Variants in MAGI2 observed in about 807,000 individuals in gnomAD.
MAGI2 encodes the protein membrane-associated guanylate kinase, WW and PDZ domain-containing protein 2.
Under a neutral mutation model 133.3 loss-of-function variants are expected in MAGI2, and 35 were observed. The observed-to-expected ratio is 0.26, with a 90% CI of 0.20 to 0.35. The LOEUF (loss-of-function observed/expected upper bound fraction) is 0.35. MAGI2 is among the 10% of genes least tolerant of loss of function. The pLI, the probability that MAGI2 is intolerant of heterozygous loss-of-function variation, is 1.00. For synonymous variants in MAGI2, 729 were observed against 710.6 expected (o/e 1.03, Z -0.41); for missense variants, 1,636 against 1,863.4 (o/e 0.88, Z 2.25).
chr7:79,344,198 T>C (rs951112990), intron 1 of MAGI2, among the ~76,000 whole-genome samples: 3 of 138,206 alleles, frequency 2.2e-5, no homozygotes, highest in African/African-American at 7.8e-5. Flanking sequence ...AAAACACAGC[T>C]ACAAAACACT....
chr7:78,436,265 A>G (rs1281575320), intron 6 of MAGI2, among the ~76,000 whole-genome samples: 1 of 152,162 alleles, frequency 6.6e-6, no homozygotes, highest in African/African-American at 2.4e-5. Flanking sequence ...TAGTAACCCA[A>G]TTAAACAATT....
At chr7:78,719,740 G>A (rs1820080875) in intron 2 of MAGI2, among the ~76,000 whole-genome samples, 1 of 152,126 alleles carries the variant, frequency 6.6e-6, no homozygotes, top group African/African-American at 2.4e-5. Context: ...CCTGGCTGCA[G>A]TACTATCAAT....
intron 6 of MAGI2, among the ~76,000 whole-genome samples, chr7:78,468,520 A>G (rs1420274852): frequency 6.6e-6 from 1 of 152,190 alleles, no homozygotes; most frequent in Non-Finnish European, 1.5e-5. Flanking sequence ...AGGGATCTGC[A>G]TGTTATAAAA....
intron 3 of MAGI2, among the ~76,000 whole-genome samples, chr7:78,598,522 T>G (rs1055567097): frequency 1.3e-5 from 2 of 152,098 alleles, no homozygotes; most frequent in Admixed American, 6.5e-5. Context: ...CCAAGGAAAC[T>G]CTTAAGAACT....
At chr7:78,733,921 G>C (rs902117523) in intron 2 of MAGI2, among the ~76,000 whole-genome samples, 1 of 152,070 alleles carries the variant, frequency 6.6e-6, no homozygotes, top group East Asian at 1.9e-4. Flanking sequence ...ATCTGAAAAC[G>C]GTAATTGACT....
chr7:78,025,552 G>A (rs917229322), intron 21 of MAGI2, among the ~76,000 whole-genome samples: 12 of 152,152 alleles, frequency 7.9e-5, no homozygotes, highest in African/African-American at 2.9e-4. Context: ...TCCACAAATA[G>A]AAATGGAAGA....
intron 3 of MAGI2, among the ~76,000 whole-genome samples, chr7:78,600,249 G>A (rs749570488): frequency 6.6e-6 from 1 of 151,840 alleles, no homozygotes; most frequent in Non-Finnish European, 1.5e-5. Flanking sequence ...TTTAAATAAT[G>A]GAATAAAGAA....
chr7:78,021,388 G>A (rs1808382507), intron 21 of MAGI2, among the ~76,000 whole-genome samples: 1 of 152,198 alleles, frequency 6.6e-6, no homozygotes, highest in Non-Finnish European at 1.5e-5. Flanking sequence ...AAAAGATTCA[G>A]TCCCACACAG....
intron 1 of MAGI2, among the ~76,000 whole-genome samples, chr7:79,262,119 T>C (rs1053731034): frequency 6.6e-6 from 1 of 152,168 alleles, no homozygotes; most frequent in African/African-American, 2.4e-5. Flanking sequence ...TGCTTTAAAA[T>C]ACCTGTCTGT....
chr7:78,018,825 G>C lies in MAGI2; in HGVS notation c.*490C>G. 4.3e-6 allele frequency: 1 copy of C among 232,454 alleles called. No homozygotes were observed. Among genetic ancestry groups the C allele is most frequent in the African/African-American group, 2.3e-5 (1 of 44,362 alleles). 14.4% of individuals were successfully genotyped at this position (232,454 alleles called of 1,614,324 possible). On this transcript the variant is annotated 3_prime_UTR_variant, in exon 22 of 22. Coordinates refer to ENST00000354212, the MANE Select transcript of MAGI2 (RefSeq NM_012301.4). ...TTTAACCCCTGTCTAGATATGTCGA[G>C]AACAATTTATTTACAACGCTTTAGA... is the stretch of plus-strand genomic sequence containing the variant.
intron 1 of MAGI2, among the ~76,000 whole-genome samples, chr7:79,129,780 T>C (rs1281579618): frequency 6.6e-6 from 1 of 151,436 alleles, no homozygotes; most frequent in Non-Finnish European, 1.5e-5. Flanking sequence ...GCAATATTAA[T>C]GTGAACTTAG....
At chr7:78,972,584 G>A (rs954117241) in intron 2 of MAGI2, among the ~76,000 whole-genome samples, 9 of 151,704 alleles carry the variant, frequency 5.9e-5, no homozygotes, top group African/African-American at 2.2e-4. Flanking sequence ...CAGAATTGAG[G>A]TAGATTTCAT....
intron 1 of MAGI2, among the ~76,000 whole-genome samples, chr7:79,192,545 G>C (rs1827764279): frequency 6.6e-6 from 1 of 151,704 alleles, no homozygotes; most frequent in Non-Finnish European, 1.5e-5. Context: ...ACATAAAGTG[G>C]TTAGAAAAGG....
At chr7:78,460,954 ACACACACACTCT>A (rs992301122) in intron 6 of MAGI2, among the ~76,000 whole-genome samples, 2 of 151,836 alleles carry the variant, frequency 1.3e-5, no homozygotes, top group East Asian at 1.9e-4. Flanking sequence ...ACACACACAC[ACACACACACTCT>A]CACACACACA....
chr7:78,740,085 C>T (rs545369618), intron 2 of MAGI2, among the ~76,000 whole-genome samples: 3 of 151,638 alleles, frequency 2.0e-5, no homozygotes, highest in South Asian at 4.2e-4. Flanking sequence ...GGCGTGAACC[C>T]GGGAGGTGGA....
chr7:78,865,012 T>C (rs892294977), intron 2 of MAGI2, among the ~76,000 whole-genome samples: 3 of 152,118 alleles, frequency 2.0e-5, no homozygotes, highest in African/African-American at 7.2e-5. Context: ...ACCGTAGAAA[T>C]TGTGCTTTAT....
intron 2 of MAGI2, among the ~76,000 whole-genome samples, chr7:78,642,635 A>T (rs1323947452): frequency 6.6e-6 from 1 of 152,222 alleles, no homozygotes. Context: ...CAAAGTAAGG[A>T]ATTATATGAG....
At chr7:78,340,805 C>G (rs941549173) in intron 9 of MAGI2, among the ~76,000 whole-genome samples, 3 of 152,090 alleles carry the variant, frequency 2.0e-5, no homozygotes, top group Non-Finnish European at 2.9e-5. Flanking sequence ...TGGAACATAT[C>G]TCAAAATAAT....
chr7:78,482,054 A>C (rs1044245671), intron 6 of MAGI2, among the ~76,000 whole-genome samples: 3 of 151,964 alleles, frequency 2.0e-5, no homozygotes, highest in African/African-American at 7.2e-5. Flanking sequence ...GGAACTTTCA[A>C]AACTGAGTTT....
Sources: gnomAD v4.1 joint callset for allele counts (sites outside exome capture counted in the v4.1 genomes callset) on GRCh38, gnomAD v4.1.1 for gene constraint, MANE v1.5 for transcripts, NCBI Gene and HGNC (gene_info 2026-07-23, HGNC 2026-07-21) for gene names.